The following ZC3H12B variants were observed in gnomAD, a reference collection of about 807,000 sequenced individuals.
ZC3H12B encodes probable ribonuclease ZC3H12B.
In ZC3H12B, 7 loss-of-function variants were observed where a neutral mutation model predicts 43.9. The observed-to-expected ratio is 0.16, with a 90% CI of 0.09 to 0.30. ZC3H12B has a LOEUF of 0.30. Ranked by LOEUF, ZC3H12B falls within the 10% of genes least tolerant of loss-of-function variation. The probability of loss-of-function intolerance (pLI) is 1.00; values close to 1 mark genes in which losing one functional copy is unlikely to be tolerated. For synonymous variants in ZC3H12B, 222 were observed against 241.7 expected (o/e 0.92, Z 0.76); for missense variants, 475 against 670.2 (o/e 0.71, Z 3.22).
intron 3 of ZC3H12B, chrX:65,408,166 G>A: frequency 2.5e-6 from 3 of 1,201,546 alleles, no homozygotes; most frequent in South Asian, 1.8e-5. Flanking sequence ...CCCTGGACCG[G>A]ATTAAAGAGG....
chrX:65,081,201 A>C, the ZC3H12B span, among the ~76,000 whole-genome samples: 1 of 111,379 alleles, frequency 9.0e-6, no homozygotes, highest in South Asian at 3.7e-4. Context: ...AAAGAAAGAC[A>C]GCAAGAAAAG....
chrX:65,173,127 C>T, the ZC3H12B span, among the ~76,000 whole-genome samples: 3 of 111,512 alleles, frequency 2.7e-5, no homozygotes, highest in Admixed American at 1.9e-4. Context: ...TCTTTGAAGA[C>T]GTCCTTCCTG....
the ZC3H12B span, among the ~76,000 whole-genome samples, chrX:65,320,563 T>C: frequency 5.1e-3 from 570 of 111,993 alleles, 2 homozygotes; most frequent in African/African-American, 0.016. Context: ...AAAATTTGTG[T>C]GGAACCAAAA....
chrX:65,108,712 G>A, the ZC3H12B span, among the ~76,000 whole-genome samples: 96 of 110,975 alleles, frequency 8.7e-4, no homozygotes, highest in African/African-American at 3.0e-3. Context: ...ACAGAAACCA[G>A]TAACATAGTT....
At chrX:65,143,548 T>A in the ZC3H12B span, among the ~76,000 whole-genome samples, 2 of 108,968 alleles carry the variant, frequency 1.8e-5, no homozygotes, top group South Asian at 8.1e-4. Flanking sequence ...ACCCACTTGA[T>A]CATGGTGAAT....
the ZC3H12B span, among the ~76,000 whole-genome samples, chrX:65,307,764 C>T: frequency 9.0e-6 from 1 of 111,430 alleles, no homozygotes; most frequent in South Asian, 3.7e-4. Context: ...ATACACAAAG[C>T]CACTCGCTGA....
At chrX:65,148,910 G>A in the ZC3H12B span, among the ~76,000 whole-genome samples, 1 of 111,744 alleles carries the variant, frequency 8.9e-6, no homozygotes, top group Admixed American at 9.5e-5. Context: ...GGACCTGTCA[G>A]TGCTCTTTTT....
chrX:65,143,099 G>A, the ZC3H12B span, among the ~76,000 whole-genome samples: 1 of 111,020 alleles, frequency 9.0e-6, no homozygotes, highest in African/African-American at 3.3e-5. Flanking sequence ...TGGCAGTATG[G>A]ATATTTTCAC....
chrX:65,314,367 G>A, the ZC3H12B span, among the ~76,000 whole-genome samples: 2 of 111,519 alleles, frequency 1.8e-5, no homozygotes, highest in Non-Finnish European at 3.8e-5. Context: ...TGAAAATGCT[G>A]CAAAATCAAA....
the ZC3H12B span, among the ~76,000 whole-genome samples, chrX:65,075,598 C>T: frequency 8.9e-6 from 1 of 112,183 alleles, no homozygotes; most frequent in Non-Finnish European, 1.9e-5. Flanking sequence ...AACTTTTTCC[C>T]TTCCTAGAGA....
chrX:65,154,146 G>A, the ZC3H12B span, among the ~76,000 whole-genome samples: 3 of 110,775 alleles, frequency 2.7e-5, no homozygotes, highest in Admixed American at 9.6e-5. Flanking sequence ...CGAGTTAATG[G>A]GTTCAGCACA....
chrX:65,311,580 A>G, the ZC3H12B span, among the ~76,000 whole-genome samples: 72 of 111,923 alleles, frequency 6.4e-4, no homozygotes, highest in African/African-American at 2.1e-3. Context: ...GTGGAAGACA[A>G]TGTGGTGATT....
At chrX:65,089,045 G>A in the ZC3H12B span, among the ~76,000 whole-genome samples, 4 of 111,375 alleles carry the variant, frequency 3.6e-5, no homozygotes, top group African/African-American at 9.8e-5. Flanking sequence ...ATTTTTTATG[G>A]AACAAACTTT....
intron 2 of ZC3H12B, among the ~76,000 whole-genome samples, chrX:65,372,009 A>T (rs375799417): frequency 8.9e-6 from 1 of 111,882 alleles, no homozygotes; most frequent in African/African-American, 3.2e-5. Flanking sequence ...ACTGCTTGTT[A>T]TTCGTGTCAT....
chrX:65,338,176 C>A, the ZC3H12B span, among the ~76,000 whole-genome samples: 2 of 110,961 alleles, frequency 1.8e-5, no homozygotes, highest in African/African-American at 6.6e-5. Context: ...ATTATTCTTT[C>A]ATTTTCATGT....
chrX:65,129,778 G>C, the ZC3H12B span, among the ~76,000 whole-genome samples: 3 of 110,632 alleles, frequency 2.7e-5, no homozygotes, highest in Non-Finnish European at 5.7e-5. Context: ...TGGTATGAGA[G>C]ATAATGGGCA....
At chrX:65,229,400 C>T in the ZC3H12B span, among the ~76,000 whole-genome samples, 2 of 108,049 alleles carry the variant, frequency 1.9e-5, no homozygotes, top group Non-Finnish European at 3.8e-5. Flanking sequence ...GGATTAAAGA[C>T]TTAAACGTTA....
the ZC3H12B span, among the ~76,000 whole-genome samples, chrX:65,168,645 A>G: frequency 9.0e-6 from 1 of 111,522 alleles, no homozygotes; most frequent in Non-Finnish European, 1.9e-5. Flanking sequence ...CTCTGGTAGA[A>G]TTCGGCTGTG....
chrX:65,216,237 G>A, the ZC3H12B span, among the ~76,000 whole-genome samples: 121 of 111,889 alleles, frequency 1.1e-3, 1 homozygote, highest in African/African-American at 3.9e-3. Context: ...GGGTAGGAAG[G>A]ACAGTTTTAC....
Sources: allele counts gnomAD v4.1 joint callset (sites outside exome capture counted in the v4.1 genomes callset), GRCh38; gene constraint gnomAD v4.1.1; transcripts MANE v1.5; gene names NCBI Gene and HGNC (gene_info 2026-07-23, HGNC 2026-07-21).